Variants in SMYD3 observed in about 807,000 individuals in gnomAD.
The protein encoded by SMYD3 is SET and MYND domain containing 3.
A neutral mutation model predicts 57.7 loss-of-function variants in SMYD3; 36 were observed. That is an observed-to-expected ratio of 0.62 (90% CI 0.48 to 0.82). SMYD3 has a LOEUF of 0.82. SMYD3 is among the 40% of genes least tolerant of loss of function. The probability of loss-of-function intolerance (pLI) is 0.00; values close to 1 mark genes in which losing one functional copy is unlikely to be tolerated. For missense variants in SMYD3, 515 were observed against 538.8 expected, an observed-to-expected ratio of 0.96 and a Z score of 0.44; for synonymous variants, 211 against 195.0, an observed-to-expected ratio of 1.08 and a Z score of -0.68.
intron 5 of SMYD3, among the ~76,000 whole-genome samples, chr1:246,251,456 T>A (rs1780826): frequency 2.6e-5 from 3 of 117,134 alleles, no homozygotes; most frequent in East Asian, 3.6e-4. Flanking sequence ...TCGGACACTG[T>A]GCCCGGCTTT....
intron 1 of SMYD3, among the ~76,000 whole-genome samples, chr1:246,460,416 T>A (rs1037888019): frequency 2.6e-5 from 4 of 152,246 alleles, no homozygotes; most frequent in Non-Finnish European, 5.9e-5. Flanking sequence ...AATTTACTTG[T>A]CCTGAGAGGA....
chr1:245,803,712 C>T (rs1027734153), intron 10 of SMYD3, among the ~76,000 whole-genome samples: 1 of 152,130 alleles, frequency 6.6e-6, no homozygotes, highest in Admixed American at 6.5e-5. Flanking sequence ...CTAGAGTTAA[C>T]AAAAGCTGGA....
At chr1:246,354,879 C>G (rs2065886992) in intron 2 of SMYD3, 152 bp downstream of exon 2, 12 of 673,246 alleles carry the variant, frequency 1.8e-5, no homozygotes, top group Middle Eastern at 5.2e-4. Context: ...TTTTAATGTC[C>G]CTGGCAACCT....
chr1:246,286,315 T>C (rs889686988), intron 5 of SMYD3, among the ~76,000 whole-genome samples: 11 of 152,258 alleles, frequency 7.2e-5, no homozygotes, highest in Middle Eastern at 3.4e-3. Context: ...ATGTGCAGAT[T>C]TGTTACATAG....
At chr1:246,176,930 T>C (rs1046496436) in intron 5 of SMYD3, among the ~76,000 whole-genome samples, 17 of 152,256 alleles carry the variant, frequency 1.1e-4, no homozygotes, top group African/African-American at 3.9e-4. Flanking sequence ...CATACAAACA[T>C]AATGTCTGAA....
At chr1:246,167,327 A>G (rs1482941224) in intron 5 of SMYD3, among the ~76,000 whole-genome samples, 1 of 152,072 alleles carries the variant, frequency 6.6e-6, no homozygotes, top group Non-Finnish European at 1.5e-5. Context: ...TCATACATCA[A>G]CTTTTTAAGG....
chr1:245,786,353 A>G (rs76068369), intron 10 of SMYD3, among the ~76,000 whole-genome samples: 2,558 of 152,238 alleles, frequency 0.017, 46 homozygotes, highest in East Asian at 0.09. Flanking sequence ...ACCACAAGCC[A>G]AATTCACATC....
chr1:246,160,386 A>G (rs1268102835), intron 5 of SMYD3, among the ~76,000 whole-genome samples: 1 of 151,896 alleles, frequency 6.6e-6, no homozygotes, highest in East Asian at 1.9e-4. Context: ...GTGAAAATTC[A>G]TATTAGTGGG....
intron 1 of SMYD3, among the ~76,000 whole-genome samples, chr1:246,414,969 G>A (rs1165670671): frequency 1.3e-5 from 2 of 151,974 alleles, no homozygotes; most frequent in South Asian, 2.1e-4. Flanking sequence ...CACCTGCCTC[G>A]GCCTCCCAAA....
chr1:245,777,579 C>T (rs1395618367), intron 10 of SMYD3, among the ~76,000 whole-genome samples: 1 of 152,024 alleles, frequency 6.6e-6, no homozygotes, highest in African/African-American at 2.4e-5. Context: ...AAGGGAGACC[C>T]AAAAGAACCT....
chr1:246,146,801 G>A (rs1274032686), intron 5 of SMYD3, among the ~76,000 whole-genome samples: 5 of 152,156 alleles, frequency 3.3e-5, no homozygotes, highest in African/African-American at 4.8e-5. Context: ...AGAGGAGGAA[G>A]GGGAAGGATG....
At chr1:246,458,708 C>T (rs1016942599) in intron 1 of SMYD3, among the ~76,000 whole-genome samples, 10 of 147,710 alleles carry the variant, frequency 6.8e-5, no homozygotes, top group East Asian at 4.0e-4. Context: ...CCTCGTGATC[C>T]GCCCGCCTCA....
At chr1:245,825,638 G>A (rs954566099) in intron 10 of SMYD3, among the ~76,000 whole-genome samples, 2 of 152,116 alleles carry the variant, frequency 1.3e-5, no homozygotes, top group Non-Finnish European at 2.9e-5. Context: ...GTTGTGGGTA[G>A]GGCTTTCTCC....
chr1:246,097,246 C>T (rs752403229), intron 5 of SMYD3, among the ~76,000 whole-genome samples: 5 of 152,112 alleles, frequency 3.3e-5, no homozygotes, highest in Non-Finnish European at 5.9e-5. Flanking sequence ...GAGGTCAGTG[C>T]TTGGCACACA....
chr1:246,443,496 A>G (rs940341815), intron 1 of SMYD3, among the ~76,000 whole-genome samples: 1 of 152,234 alleles, frequency 6.6e-6, no homozygotes, highest in Non-Finnish European at 1.5e-5. Flanking sequence ...AATGAAAGTT[A>G]TTCAGGTAGA....
intron 1 of SMYD3, among the ~76,000 whole-genome samples, chr1:246,422,130 C>A (rs2067152809): frequency 6.6e-6 from 1 of 152,100 alleles, no homozygotes; most frequent in Non-Finnish European, 1.5e-5. Flanking sequence ...CTGTGAAGGC[C>A]CTTTGATGAT....
At chr1:246,474,416 G>A (rs2068000881) in intron 1 of SMYD3, among the ~76,000 whole-genome samples, 1 of 151,650 alleles carries the variant, frequency 6.6e-6, no homozygotes, top group African/African-American at 2.4e-5. Flanking sequence ...CTACTCAGGA[G>A]GCTGAGGCAG....
intron 5 of SMYD3, among the ~76,000 whole-genome samples, chr1:246,174,597 C>T (rs763756289): frequency 2.0e-5 from 3 of 152,180 alleles, no homozygotes; most frequent in Admixed American, 6.5e-5. Flanking sequence ...CAGGCACATG[C>T]CACCACGCCT....
At chr1:245,764,259 G>A (rs2045977942) in intron 10 of SMYD3, 110 bp from the exon 11 acceptor site, 1 of 703,056 alleles carries the variant, frequency 1.4e-6, no homozygotes, top group Non-Finnish European at 2.5e-6. Context: ...ATGTTAATGA[G>A]CTACTGAAAG....
Sources: allele counts gnomAD v4.1 joint callset (sites outside exome capture counted in the v4.1 genomes callset), GRCh38; gene constraint gnomAD v4.1.1; transcripts MANE v1.5; gene names NCBI Gene and HGNC (gene_info 2026-07-23, HGNC 2026-07-21).